STAP1: variants seen among roughly 807,000 people sequenced by gnomAD.
STAP1 encodes signal transducing adaptor family member 1.
A neutral mutation model predicts 37.8 loss-of-function variants in STAP1; 30 were observed. That is an observed-to-expected ratio of 0.79 (90% CI 0.59 to 1.08). The LOEUF (loss-of-function observed/expected upper bound fraction) is 1.08, where lower values mean the gene tolerates loss of function less well. STAP1 is among the 50% of genes least tolerant of loss of function. The pLI, the probability that STAP1 is intolerant of heterozygous loss-of-function variation, is 0.00. For synonymous variants in STAP1, 130 were observed against 116.0 expected, an observed-to-expected ratio of 1.12 and a Z score of -0.78; for missense variants, 357 against 349.4, an observed-to-expected ratio of 1.02 and a Z score of -0.17.
At chr4:67,577,651 C>CTTTCTTTTT (rs144082927) in intron 4 of STAP1, among the ~76,000 whole-genome samples, 3 of 91,536 alleles carry the variant, frequency 3.3e-5, no homozygotes, top group Non-Finnish European at 6.5e-5. Flanking sequence ...TTCTTTCTTT[C>CTTTCTTTTT]TTTTTTTTTT....
intron 6 of STAP1, among the ~76,000 whole-genome samples, chr4:67,588,610 CG>C (rs1320148550): frequency 1.3e-5 from 2 of 152,054 alleles, no homozygotes; most frequent in African/African-American, 4.8e-5. Context: ...GGGGTTTCAC[CG>C]TGTTAGCCAG....
rs1056382633 is a variant in STAP1, at chr4:67,590,806, T to C, written c.660-78T>C. 194 of 776,210 alleles carry C rather than the reference T, an allele frequency of 2.5e-4. 1 individual carries two copies. Among genetic ancestry groups the C allele is most frequent in the Admixed American group, 5.1e-4 (20 of 38,994 alleles). 48.1% of individuals were successfully genotyped at this position (776,210 alleles called of 1,614,324 possible). A position where few individuals can be genotyped will look rare whatever the true frequency, so the allele number is the denominator to read the frequency against. ...TGACAACATAGGTTGATTATACAGG[T>C]GATATTTTATATTTACTTTAGTTTG... is the stretch of plus-strand genomic sequence containing the variant. On this transcript the variant is annotated intron_variant, in intron 6 of 8. Coordinates refer to ENST00000265404, the MANE Select transcript of STAP1 (RefSeq NM_012108.4).
At chr4:67,569,808 C>A (rs1431257964) in intron 1 of STAP1, among the ~76,000 whole-genome samples, 1 of 152,166 alleles carries the variant, frequency 6.6e-6, no homozygotes, top group South Asian at 2.1e-4. Flanking sequence ...TGGCTCATTG[C>A]AACCTCTGCC....
chr4:67,580,043 G>A (rs1052609310), intron 4 of STAP1, among the ~76,000 whole-genome samples: 1 of 151,934 alleles, frequency 6.6e-6, no homozygotes, highest in Non-Finnish European at 1.5e-5. Flanking sequence ...ATTTTTATTA[G>A]AAACGGGTTT....
chr4:67,584,106 A>G (rs1463171438), intron 6 of STAP1, among the ~76,000 whole-genome samples: 1 of 145,922 alleles, frequency 6.9e-6, no homozygotes, highest in Non-Finnish European at 1.5e-5. Context: ...TCGAAAAAAA[A>G]AAAAAAAAAA....
intron 8 of STAP1, among the ~76,000 whole-genome samples, chr4:67,603,689 A>G (rs750781384): frequency 1.4e-4 from 22 of 152,054 alleles, no homozygotes; most frequent in Non-Finnish European, 2.6e-4. Flanking sequence ...TAGGGCCTGA[A>G]ATGGAGGCCT....
Position 67,579,424 on chromosome 4 carries a change from A to AT in STAP1, c.364-1872dup, listed in dbSNP as rs201301393. 1.1e-4 allele frequency among the ~76,000 whole-genome samples: 17 copies of AT among 151,488 alleles called. 1 individual carries two copies. Among genetic ancestry groups the AT allele is most frequent in the South Asian group, 4.2e-4 (2 of 4,766 alleles). ...TAGCTATTTAATCTTTCTGTGCTTG[A>AT]TTTTTTTTTCTATTTGTATTAGGCC... On this transcript the variant is annotated intron_variant, in intron 4 of 8. Coordinates refer to ENST00000265404, the MANE Select transcript of STAP1 (RefSeq NM_012108.4).
At chr4:67,571,685 T>C (rs979197961) in intron 2 of STAP1, among the ~76,000 whole-genome samples, 1 of 152,210 alleles carries the variant, frequency 6.6e-6, no homozygotes, top group African/African-American at 2.4e-5. Context: ...CAAATTTTGA[T>C]TGTATGTTTC....
At chr4:67,597,294 G>C (rs1441749927) in intron 8 of STAP1, among the ~76,000 whole-genome samples, 1 of 152,214 alleles carries the variant, frequency 6.6e-6, no homozygotes, top group Non-Finnish European at 1.5e-5. Context: ...GACAAGAATT[G>C]AGGTTTGAGA....
chr4:67,575,455 C>T lies in STAP1; in HGVS notation c.263C>T (p.Ala88Val), dbSNP rs759385053. 3.7e-6 allele frequency: 6 copies of T among 1,608,814 alleles called. No homozygotes were observed. The highest frequency in any genetic ancestry group is 5.1e-6 in the Non-Finnish European group (6 of 1,178,324). ...TEQNSTEKNC[A>V]KFTLVLPKEE... ...CAGAATTCAACTGAAAAGAACTGTG[C>T]GAAATTCACCCTTGTTTTGCCGAAA... Residue 88 changes from alanine (A) to valine (V), a missense_variant, in exon 3 of 9, where the codon GCG (alanine) becomes GTG (valine). Transcript: ENST00000265404.
At chr4:67,593,457 C>A (rs1728163360) in intron 8 of STAP1, 101 bp downstream of exon 8, 4 of 802,794 alleles carry the variant, frequency 5.0e-6, no homozygotes, top group Non-Finnish European at 8.0e-6. Context: ...CAGGCAGGAA[C>A]TGTAGTTCAG....
chr4:67,560,597 C>T (rs945403662), intron 1 of STAP1, among the ~76,000 whole-genome samples: 2 of 151,442 alleles, frequency 1.3e-5, no homozygotes, highest in Admixed American at 6.6e-5. Flanking sequence ...ATGAAATTAA[C>T]TTGTGTTTCT....
chr4:67,565,547 T>C (rs1348814883), intron 1 of STAP1, among the ~76,000 whole-genome samples: 2 of 152,322 alleles, frequency 1.3e-5, no homozygotes, highest in East Asian at 3.9e-4. Flanking sequence ...ATAATGTGAG[T>C]GTTGAGGCAA....
intron 8 of STAP1, among the ~76,000 whole-genome samples, chr4:67,595,955 A>C (rs1261933317): frequency 6.6e-6 from 1 of 151,136 alleles, no homozygotes; most frequent in East Asian, 1.9e-4. Context: ...ACTTTGTTTC[A>C]GCATACAGCA....
chr4:67,569,532 A>T (rs192833699), intron 1 of STAP1, among the ~76,000 whole-genome samples: 1 of 152,164 alleles, frequency 6.6e-6, no homozygotes, highest in Non-Finnish European at 1.5e-5. Flanking sequence ...ACAAAAACAC[A>T]TTGTACAGCT....
At chr4:67,586,724 G>A (rs893697416) in intron 6 of STAP1, among the ~76,000 whole-genome samples, 3 of 152,138 alleles carry the variant, frequency 2.0e-5, no homozygotes, top group Non-Finnish European at 4.4e-5. Context: ...TCATATCAAA[G>A]TTGCATAATT....
At chr4:67,560,639 T>TGGGGGG (rs1180719363) in intron 1 of STAP1, among the ~76,000 whole-genome samples, 56 of 74,966 alleles carry the variant, frequency 7.5e-4, no homozygotes, top group African/African-American at 1.9e-3. Context: ...TCTTTGTGTG[T>TGGGGGG]GTGGGTGTGT....
intron 7 of STAP1, among the ~76,000 whole-genome samples, chr4:67,591,941 T>C (rs966693790): frequency 1.3e-5 from 2 of 152,110 alleles, no homozygotes; most frequent in African/African-American, 4.8e-5. Context: ...AATAACTAAG[T>C]GACTACAAGC....
At chr4:67,588,055 A>T (rs1480068344) in intron 6 of STAP1, among the ~76,000 whole-genome samples, 1 of 150,762 alleles carries the variant, frequency 6.6e-6, no homozygotes, top group Non-Finnish European at 1.5e-5. Flanking sequence ...AAAAAAAAAA[A>T]AAAAAAAAAA....
Sources: allele counts gnomAD v4.1 joint callset (sites outside exome capture counted in the v4.1 genomes callset), GRCh38; gene constraint gnomAD v4.1.1; transcripts MANE v1.5; gene names NCBI Gene and HGNC (gene_info 2026-07-23, HGNC 2026-07-21).